Variants in GRIP1 observed in about 807,000 individuals in gnomAD.
GRIP1 encodes the protein glutamate receptor interacting protein 1.
Under a neutral mutation model 129.9 loss-of-function variants are expected in GRIP1, and 45 were observed. The observed-to-expected ratio is 0.35, with a 90% CI of 0.27 to 0.44. The LOEUF (loss-of-function observed/expected upper bound fraction) is 0.44, where lower values mean the gene tolerates loss of function less well. GRIP1 is among the 20% of genes least tolerant of loss of function. The pLI is 1.00. For synonymous variants in GRIP1, 530 were observed against 520.8 expected, an observed-to-expected ratio of 1.02 and a Z score of -0.24; for missense variants, 1,196 against 1,396.8, an observed-to-expected ratio of 0.86 and a Z score of 2.29.
At chr12:66,520,553 T>TC (rs2060969858) in intron 5 of GRIP1, among the ~76,000 whole-genome samples, 1 of 152,208 alleles carries the variant, frequency 6.6e-6, no homozygotes, top group African/African-American at 2.4e-5. Flanking sequence ...TAGGCAACAT[T>TC]CAATCATTCA....
intron 1 of GRIP1, among the ~76,000 whole-genome samples, chr12:67,060,112 C>T (rs780295033): frequency 1.1e-4 from 16 of 151,208 alleles, no homozygotes; most frequent in South Asian, 2.1e-4. Context: ...AACCTAATAC[C>T]GCCACCACTT....
At chr12:66,900,628 A>T (rs557277189) in intron 1 of GRIP1, among the ~76,000 whole-genome samples, 37 of 152,314 alleles carry the variant, frequency 2.4e-4, no homozygotes, top group African/African-American at 8.2e-4. Context: ...GCAAGGCCTA[A>T]GGTGGCTATA....
At chr12:66,811,871 C>A (rs891414299) in intron 1 of GRIP1, among the ~76,000 whole-genome samples, 1 of 152,172 alleles carries the variant, frequency 6.6e-6, no homozygotes, top group Non-Finnish European at 1.5e-5. Context: ...GGTCTCACTT[C>A]TAAGCTGTCA....
intron 1 of GRIP1, among the ~76,000 whole-genome samples, chr12:66,717,544 C>T (rs2035929503): frequency 1.3e-5 from 2 of 152,118 alleles, no homozygotes; most frequent in Non-Finnish European, 2.9e-5. Flanking sequence ...GATAACTAAT[C>T]TTGTCATGCT....
intron 1 of GRIP1, among the ~76,000 whole-genome samples, chr12:66,869,414 G>A (rs767765735): frequency 5.9e-5 from 9 of 152,022 alleles, no homozygotes; most frequent in Non-Finnish European, 1.0e-4. Context: ...GTTTGATCAA[G>A]GGAAGGAAAT....
intron 23 of GRIP1, among the ~76,000 whole-genome samples, chr12:66,362,922 T>A (rs1434611539): frequency 6.6e-6 from 1 of 151,698 alleles, no homozygotes; most frequent in Non-Finnish European, 1.5e-5. Flanking sequence ...AGAAAAGTGA[T>A]AAGATACAAA....
At chr12:66,973,471 C>T (rs1385283323) in intron 1 of GRIP1, among the ~76,000 whole-genome samples, 3 of 151,016 alleles carry the variant, frequency 2.0e-5, no homozygotes, top group South Asian at 2.1e-4. Context: ...CAGATCCTAC[C>T]GCCTCCATAT....
chr12:66,528,359 G>A (rs748104491), intron 5 of GRIP1, among the ~76,000 whole-genome samples: 2 of 151,988 alleles, frequency 1.3e-5, no homozygotes, highest in African/African-American at 2.4e-5. Flanking sequence ...GGATGGTCTC[G>A]ATCTCCTGAC....
chr12:66,788,092 C>T (rs925712673), intron 1 of GRIP1, among the ~76,000 whole-genome samples: 4 of 151,970 alleles, frequency 2.6e-5, no homozygotes, highest in Non-Finnish European at 5.9e-5. Context: ...TCATGGGGCA[C>T]AAGACAGATT....
At chr12:66,680,583 T>A (rs2136279202), upstream of GRIP1, among the ~76,000 whole-genome samples, 1 of 152,314 alleles carries the variant, frequency 6.6e-6, no homozygotes, top group Non-Finnish European at 1.5e-5. Context: ...TCAACCCATA[T>A]TATGTTCATC....
intron 1 of GRIP1, among the ~76,000 whole-genome samples, chr12:67,042,231 T>C (rs2043191797): frequency 6.6e-6 from 1 of 152,186 alleles, no homozygotes; most frequent in African/African-American, 2.4e-5. Flanking sequence ...ATACATCTCT[T>C]TTCTTTATAA....
intron 7 of GRIP1, among the ~76,000 whole-genome samples, chr12:66,490,768 GA>G (rs1408259632): frequency 6.6e-6 from 1 of 151,576 alleles, no homozygotes; most frequent in Non-Finnish European, 1.5e-5. Context: ...AAATTTATAA[GA>G]AAAAAACAAT....
intron 4 of GRIP1, among the ~76,000 whole-genome samples, chr12:66,530,491 A>T (rs1035730197): frequency 6.6e-6 from 1 of 152,198 alleles, no homozygotes; most frequent in Non-Finnish European, 1.5e-5. Context: ...TACTACTACT[A>T]TCTAAGAAAC....
At chr12:66,664,736 T>C (rs1204578857) in intron 1 of GRIP1, among the ~76,000 whole-genome samples, 1 of 152,206 alleles carries the variant, frequency 6.6e-6, no homozygotes, top group Admixed American at 6.5e-5. Context: ...AGGTACATAA[T>C]ATACCCAGTT....
At chr12:66,839,158 C>T (rs1002491470) in intron 1 of GRIP1, among the ~76,000 whole-genome samples, 2 of 151,836 alleles carry the variant, frequency 1.3e-5, no homozygotes, top group Non-Finnish European at 2.9e-5. Context: ...CAAAAGGAAA[C>T]AGAGAAAAAA....
chr12:66,805,628 C>T (rs1385626054), upstream of GRIP1, among the ~76,000 whole-genome samples: 1 of 152,188 alleles, frequency 6.6e-6, no homozygotes, highest in African/African-American at 2.4e-5. Flanking sequence ...CCAGAGGGAA[C>T]TGACTGCACT....
chr12:67,046,570 A>G (rs994655690), intron 1 of GRIP1, among the ~76,000 whole-genome samples: 1 of 152,204 alleles, frequency 6.6e-6, no homozygotes, highest in Non-Finnish European at 1.5e-5. Flanking sequence ...TTTCTGACCT[A>G]TGTTCAACAT....
At chr12:66,545,137 T>G (rs1409233841) in intron 2 of GRIP1, among the ~76,000 whole-genome samples, 3 of 152,168 alleles carry the variant, frequency 2.0e-5, no homozygotes, top group Non-Finnish European at 4.4e-5. Flanking sequence ...GGTTCTGAAT[T>G]TGACTTTTTC....
chr12:66,555,526 A>G (rs760557125), intron 2 of GRIP1, among the ~76,000 whole-genome samples: 1 of 152,144 alleles, frequency 6.6e-6, no homozygotes, highest in Non-Finnish European at 1.5e-5. Flanking sequence ...ACATCAATAA[A>G]CATCAAGACC....
Sources: gnomAD v4.1 joint callset for allele counts (sites outside exome capture counted in the v4.1 genomes callset) on GRCh38, gnomAD v4.1.1 for gene constraint, MANE v1.5 for transcripts, NCBI Gene and HGNC (gene_info 2026-07-23, HGNC 2026-07-21) for gene names.